Variants in NUMB observed in about 807,000 individuals in gnomAD.
NUMB encodes NUMB endocytic adaptor protein.
Under a neutral mutation model 59.7 loss-of-function variants are expected in NUMB, and 29 were observed. That is an observed-to-expected ratio of 0.49 (90% confidence interval 0.36 to 0.66). NUMB has a LOEUF of 0.66. NUMB is among the 30% of genes least tolerant of loss of function. The probability of loss-of-function intolerance (pLI) is 0.00; values close to 1 mark genes in which losing one functional copy is unlikely to be tolerated. For missense variants in NUMB, 723 were observed against 822.0 expected, an observed-to-expected ratio of 0.88 and a Z score of 1.47; for synonymous variants, 288 against 288.2, an observed-to-expected ratio of 1.00 and a Z score of 0.01.
Position 73,277,423 on chromosome 14 carries a change from ATAGG to A in NUMB, c.1241-134_1241-131del. ...CCTAATGGGACATTTTGTGGTTTTG[ATAGG>A]TAGGAGTAAAGTCTCTATTACCAAC... On this transcript the variant is annotated intron_variant, in intron 12 of 12. Transcript: ENST00000555238. The A allele has an allele frequency of 1.2e-5, 9 of 745,122 alleles. No homozygotes were observed. In the South Asian group the frequency reaches 1.5e-4, roughly 13 times the overall value. The allele number at this position is 745,122 out of a possible 1,614,324, so 46.2% of individuals were successfully genotyped here.
At chr14:73,342,417 T>A (rs1016891811) in intron 4 of NUMB, among the ~76,000 whole-genome samples, 1 of 152,182 alleles carries the variant, frequency 6.6e-6, no homozygotes, top group Non-Finnish European at 1.5e-5. Context: ...AGCTTTGAAA[T>A]GAAACATTAT....
At chr14:73,302,491 CTG>C (rs1195792157) in intron 6 of NUMB, among the ~76,000 whole-genome samples, 3 of 149,504 alleles carry the variant, frequency 2.0e-5, no homozygotes, top group Middle Eastern at 3.4e-3. Context: ...ACTGCAACCT[CTG>C]TCTCCTGGGC....
chr14:73,328,199 C>T (rs1469729318), intron 4 of NUMB, among the ~76,000 whole-genome samples: 1 of 150,288 alleles, frequency 6.7e-6, no homozygotes, highest in African/African-American at 2.5e-5. Flanking sequence ...TGCCTGAACC[C>T]AAGAGGCAGA....
chr14:73,316,534 G>A (rs903883714), intron 5 of NUMB, 112 bp from the exon 6 acceptor site: 1 of 950,428 alleles, frequency 1.1e-6, no homozygotes. Context: ...GTGGGAGAAG[G>A]GGTGGGAGTG....
intron 2 of NUMB, among the ~76,000 whole-genome samples, chr14:73,371,362 C>T (rs1447225020): frequency 1.3e-5 from 2 of 151,940 alleles, no homozygotes; most frequent in African/African-American, 2.4e-5. Flanking sequence ...TGGTGAAACC[C>T]CTTCTCTACT....
chr14:73,334,408 T>G (rs1892175046), intron 4 of NUMB, among the ~76,000 whole-genome samples: 1 of 152,210 alleles, frequency 6.6e-6, no homozygotes, highest in Non-Finnish European at 1.5e-5. Flanking sequence ...CTGAAAACTG[T>G]CCATTATTTT....
At chr14:73,283,425 A>AGATAGG (rs1429220081) in intron 10 of NUMB, among the ~76,000 whole-genome samples, 1 of 152,110 alleles carries the variant, frequency 6.6e-6, no homozygotes, top group East Asian at 1.9e-4. Flanking sequence ...AGTAAAATAG[A>AGATAGG]GCCCAACAAA....
intron 6 of NUMB, among the ~76,000 whole-genome samples, chr14:73,305,220 A>C (rs926075393): frequency 5.3e-5 from 8 of 152,220 alleles, no homozygotes; most frequent in African/African-American, 1.2e-4. Flanking sequence ...CAATATGTAC[A>C]CAAATGGGCA....
intron 4 of NUMB, among the ~76,000 whole-genome samples, chr14:73,347,696 A>G (rs1281685238): frequency 6.6e-6 from 1 of 152,154 alleles, no homozygotes; most frequent in East Asian, 1.9e-4. Flanking sequence ...TTTGGTTTCT[A>G]AGACCATACT....
intron 9 of NUMB, among the ~76,000 whole-genome samples, chr14:73,285,823 G>A (rs1888953372): frequency 6.6e-6 from 1 of 151,802 alleles, no homozygotes; most frequent in South Asian, 2.1e-4. Flanking sequence ...CTACTCAGGA[G>A]GCTGAGGCAG....
At chr14:73,377,406 G>C (rs574485380) in intron 2 of NUMB, among the ~76,000 whole-genome samples, 124 of 152,146 alleles carry the variant, frequency 8.2e-4, no homozygotes, top group African/African-American at 2.8e-3. Flanking sequence ...GGAGGCCAAG[G>C]GGGGCAGGCA....
intron 5 of NUMB, among the ~76,000 whole-genome samples, chr14:73,318,243 A>C (rs1891191385): frequency 1.3e-5 from 2 of 152,232 alleles, no homozygotes; most frequent in Admixed American, 6.5e-5. Flanking sequence ...TAGAAAAGCT[A>C]CTGTTAAACA....
intron 2 of NUMB, among the ~76,000 whole-genome samples, chr14:73,406,795 G>A (rs913581523): frequency 6.6e-6 from 1 of 152,162 alleles, no homozygotes; most frequent in Non-Finnish European, 1.5e-5. Flanking sequence ...TCTAACTGGT[G>A]TGAGATGGTA....
At chr14:73,293,407 T>C (rs1315967481) in intron 7 of NUMB, among the ~76,000 whole-genome samples, 1 of 147,532 alleles carries the variant, frequency 6.8e-6, no homozygotes, top group African/African-American at 2.5e-5. Flanking sequence ...TTTTTTTTTT[T>C]TTTTTGGACA....
intron 1 of NUMB, among the ~76,000 whole-genome samples, chr14:73,411,063 G>C (rs1254810353): frequency 1.3e-5 from 2 of 152,144 alleles, no homozygotes; most frequent in African/African-American, 2.4e-5. Context: ...ACTGGGTCTC[G>C]CTCTGCCTGC....
At chr14:73,328,308 A>G (rs1891774622) in intron 4 of NUMB, among the ~76,000 whole-genome samples, 1 of 152,106 alleles carries the variant, frequency 6.6e-6, no homozygotes, top group East Asian at 1.9e-4. Flanking sequence ...ATGGAATCAT[A>G]CAGTATGTTC....
chr14:73,429,448 G>T (rs765432147), intron 1 of NUMB, among the ~76,000 whole-genome samples: 1 of 152,138 alleles, frequency 6.6e-6, no homozygotes, highest in Admixed American at 6.5e-5. Context: ...CACACAGTAT[G>T]TGGCCTTTTA....
chr14:73,412,943 G>C (rs1896960614), intron 1 of NUMB, among the ~76,000 whole-genome samples: 1 of 151,790 alleles, frequency 6.6e-6, no homozygotes, highest in African/African-American at 2.4e-5. Context: ...CTCATAACTA[G>C]GAAAACTGAG....
chr14:73,445,028 C>T (rs1883373099), intron 1 of NUMB, among the ~76,000 whole-genome samples: 1 of 151,916 alleles, frequency 6.6e-6, no homozygotes, highest in African/African-American at 2.4e-5. Flanking sequence ...TAAATATTAT[C>T]TTAAATAAAA....
Sources: allele counts gnomAD v4.1 joint callset (sites outside exome capture counted in the v4.1 genomes callset), GRCh38; gene constraint gnomAD v4.1.1; transcripts MANE v1.5; gene names NCBI Gene and HGNC (gene_info 2026-07-23, HGNC 2026-07-21).